CTCF: variants seen among roughly 807,000 people sequenced by gnomAD.
The protein encoded by CTCF is CCCTC-binding factor.
CTCF carries 7 observed loss-of-function variants against 72.3 expected under a neutral mutation model. That is an observed-to-expected ratio of 0.10 (90% CI 0.06 to 0.18). CTCF has a LOEUF of 0.18. Among genes scored for constraint, CTCF ranks in the 10% least tolerant of loss-of-function variants. The pLI is 1.00. For missense variants in CTCF, 516 were observed against 949.1 expected, an observed-to-expected ratio of 0.54 and a Z score of 6.00; for synonymous variants, 374 against 315.8, an observed-to-expected ratio of 1.18 and a Z score of -1.95.
At chr16:67,598,134 C>T (rs148334705) in intron 2 of CTCF, among the ~76,000 whole-genome samples, 185 of 152,124 alleles carry the variant, frequency 1.2e-3, no homozygotes, top group African/African-American at 4.1e-3. Context: ...CACCATCACA[C>T]CTGACTAATT....
intron 2 of CTCF, chr16:67,572,496 A>G (rs1378478980): frequency 6.6e-6 from 1 of 152,214 alleles, no homozygotes; most frequent in African/African-American, 2.4e-5. Context: ...ATCAGGTGGT[A>G]TGATTTCGGG....
intron 7 of CTCF, among the ~76,000 whole-genome samples, chr16:67,626,265 C>T (rs1158944519): frequency 6.6e-6 from 1 of 151,612 alleles, no homozygotes; most frequent in African/African-American, 2.4e-5. Flanking sequence ...TGATGAAACC[C>T]TGTCTCTACT....
chr16:67,631,508 C>T (rs1257037091), intron 10 of CTCF, among the ~76,000 whole-genome samples: 1 of 152,076 alleles, frequency 6.6e-6, no homozygotes, highest in East Asian at 1.9e-4. Context: ...CTGTGTGGCT[C>T]AGGCTGGTCT....
chr16:67,619,593 G>A (rs76300708), intron 5 of CTCF, among the ~76,000 whole-genome samples: 4 of 152,156 alleles, frequency 2.6e-5, no homozygotes, highest in South Asian at 2.1e-4. Context: ...CAGGGGGTGC[G>A]TGGCAGACAG....
rs1250211489 is a variant in CTCF, at chr16:67,638,750, A to G, written c.*878A>G. 4.5e-6 allele frequency: 1 copy of G among 220,730 alleles called. No individual in the cohort carries two copies. The highest frequency in any genetic ancestry group is 2.2e-5 in the African/African-American group (1 of 44,566). 13.7% of individuals were successfully genotyped at this position (220,730 alleles called of 1,614,324 possible). A position where few individuals can be genotyped will look rare whatever the true frequency, so the allele number is the denominator to read the frequency against. ...TGTAGCTGATTGTTGTGTTTTATAA[A>G]TCTTCTGTTAAGGCAGAAGGGTGAT... is the stretch of plus-strand genomic sequence containing the variant. On this transcript the variant is annotated 3_prime_UTR_variant, in exon 12 of 12. Coordinates refer to ENST00000264010, the MANE Select transcript of CTCF (RefSeq NM_006565.4).
At chr16:67,618,188 T>G (rs2052157721) in intron 5 of CTCF, among the ~76,000 whole-genome samples, 1 of 152,200 alleles carries the variant, frequency 6.6e-6, no homozygotes, top group Admixed American at 6.6e-5. Context: ...GCAGATCACC[T>G]GAGGTCAGGA....
chr16:67,568,755 C>T (rs1207839498), intron 1 of CTCF, among the ~76,000 whole-genome samples: 1 of 152,066 alleles, frequency 6.6e-6, no homozygotes, highest in Non-Finnish European at 1.5e-5. Context: ...GCTTTGAACT[C>T]CTAGGCTCGA....
At chr16:67,591,523 ATT>A (rs770084884) in intron 2 of CTCF, among the ~76,000 whole-genome samples, 6 of 152,196 alleles carry the variant, frequency 3.9e-5, no homozygotes, top group Non-Finnish European at 8.8e-5. Context: ...GCTTTGATGT[ATT>A]TTAAGCTCTC....
chr16:67,572,958 C>G (rs921448316), intron 2 of CTCF, among the ~76,000 whole-genome samples: 1 of 134,386 alleles, frequency 7.4e-6, no homozygotes, highest in South Asian at 2.6e-4. Flanking sequence ...CCCCCCCCCC[C>G]AAAACAACAA....
chr16:67,626,253 C>G (rs2052285786), intron 7 of CTCF, among the ~76,000 whole-genome samples: 1 of 151,776 alleles, frequency 6.6e-6, no homozygotes, highest in Non-Finnish European at 1.5e-5. Flanking sequence ...TCCTGGCTAA[C>G]ATGATGAAAC....
At chr16:67,577,726 C>T (rs745342159) in intron 2 of CTCF, among the ~76,000 whole-genome samples, 21 of 151,940 alleles carry the variant, frequency 1.4e-4, no homozygotes, top group Middle Eastern at 3.2e-3. Flanking sequence ...GGATTACAGG[C>T]GTGAGCCACC....
At chr16:67,629,738 T>A (rs1247589137) in intron 10 of CTCF, among the ~76,000 whole-genome samples, 2 of 142,782 alleles carry the variant, frequency 1.4e-5, no homozygotes, top group African/African-American at 5.1e-5. Context: ...ATTCCGCTCA[T>A]TAATGCCCTT....
chr16:67,591,345 A>AT (rs2051741606), intron 2 of CTCF, among the ~76,000 whole-genome samples: 5 of 152,174 alleles, frequency 3.3e-5, no homozygotes, highest in South Asian at 4.1e-4. Flanking sequence ...TTGTGATTAA[A>AT]TAGATGAGTG....
Position 67,616,825 on chromosome 16 carries a change from C to G in CTCF, c.1033C>G (p.His345Asp). Residue 345 changes from histidine (H) to aspartate (D), a missense_variant, in exon 5 of 12, where the codon CAC becomes GAC. This residue lies in a region of CTCF where 70 missense variants were observed against 290.1 expected (regional missense o/e 0.24). Coordinates refer to ENST00000264010, the MANE Select transcript of CTCF (RefSeq NM_006565.4). ...GELVRHRRYK[H>D]THEKPFKCSM... ...ATTGGTTCGGCATCGTCGTTACAAA[C>G]ACACCCACGAGAAGCCATTCAAGTG... 6.2e-7 allele frequency: 1 copy of G among 1,614,152 alleles called. No homozygotes were observed. The highest frequency in any genetic ancestry group is 8.5e-7 in the Non-Finnish European group (1 of 1,180,010).
At chr16:67,564,937 T>TTTTATTAAAACAA (rs2142698140) in intron 1 of CTCF, among the ~76,000 whole-genome samples, 1 of 152,336 alleles carries the variant, frequency 6.6e-6, no homozygotes, top group African/African-American at 2.4e-5. Flanking sequence ...TTTGTTTTGT[T>TTTTATTAAAACAA]TTTATTAAAA....
At chr16:67,609,685 G>T (rs2052031591) in intron 2 of CTCF, among the ~76,000 whole-genome samples, 1 of 149,630 alleles carries the variant, frequency 6.7e-6, no homozygotes, top group South Asian at 2.1e-4. Context: ...GTGCAGTGGC[G>T]CGATCTTGGC....
intron 7 of CTCF, among the ~76,000 whole-genome samples, chr16:67,626,283 C>G (rs1435882663): frequency 6.6e-6 from 1 of 151,186 alleles, no homozygotes; most frequent in Non-Finnish European, 1.5e-5. Flanking sequence ...ACTAAAAATA[C>G]AAAAATAAAA....
chr16:67,624,079 G>A (rs1467822448), intron 7 of CTCF, among the ~76,000 whole-genome samples: 1 of 93,778 alleles, frequency 1.1e-5, no homozygotes, highest in Admixed American at 9.4e-5. Flanking sequence ...ATATGTGTGT[G>A]TGTGTGTGTG....
intron 10 of CTCF, among the ~76,000 whole-genome samples, chr16:67,631,150 G>GTTTT (rs1472086135): frequency 7.5e-6 from 1 of 132,534 alleles, no homozygotes; most frequent in African/African-American, 3.2e-5. Flanking sequence ...TTTGTTCTTT[G>GTTTT]TTTGTTTTTT....
Sources: gnomAD v4.1 joint callset for allele counts (sites outside exome capture counted in the v4.1 genomes callset) on GRCh38, gnomAD v4.1.1 for gene constraint, gnomAD v4.1.1 regional missense constraint, MANE v1.5 for transcripts, NCBI Gene and HGNC (gene_info 2026-07-23, HGNC 2026-07-21) for gene names.